CPNE8: variants seen among roughly 807,000 people sequenced by gnomAD.
CPNE8 encodes the protein copine-8.
Under a neutral mutation model 81.5 loss-of-function variants are expected in CPNE8, and 45 were observed. The ratio of observed to expected loss-of-function variants is 0.55; its 90% confidence interval spans 0.44 to 0.71. CPNE8 has a LOEUF of 0.71. Among genes scored for constraint, CPNE8 ranks in the 30% least tolerant of loss-of-function variants. CPNE8 has a pLI of 0.00. For missense variants in CPNE8, 594 were observed against 672.1 expected (o/e 0.88, Z 1.28); for synonymous variants, 252 against 226.3 (o/e 1.11, Z -1.02).
intron 19 of CPNE8, among the ~76,000 whole-genome samples, chr12:38,666,574 TGAG>T (rs1441163527): frequency 6.6e-6 from 1 of 152,026 alleles, no homozygotes; most frequent in African/African-American, 2.4e-5. Flanking sequence ...TCAGCACAGA[TGAG>T]GAGGAAGAGT....
At chr12:38,843,248 T>A (rs1254639513) in intron 4 of CPNE8, among the ~76,000 whole-genome samples, 1 of 152,154 alleles carries the variant, frequency 6.6e-6, no homozygotes, top group African/African-American at 2.4e-5. Flanking sequence ...CAGATATTGA[T>A]GGAAATTTTT....
At chr12:38,721,706 G>T (rs75874418) in intron 13 of CPNE8, among the ~76,000 whole-genome samples, 1,622 of 152,318 alleles carry the variant, frequency 0.011, 35 homozygotes, top group African/African-American at 0.036. Context: ...GCCCCTGGGG[G>T]AGCCCAGACC....
chr12:38,864,589 T>C (rs1943889329), intron 3 of CPNE8, among the ~76,000 whole-genome samples: 2 of 152,178 alleles, frequency 1.3e-5, no homozygotes, highest in Non-Finnish European at 2.9e-5. Flanking sequence ...GGTGATGTAA[T>C]TGTGCAGCGG....
At chr12:38,792,404 C>T (rs1408047619) in intron 6 of CPNE8, among the ~76,000 whole-genome samples, 1 of 150,556 alleles carries the variant, frequency 6.6e-6, no homozygotes, top group Non-Finnish European at 1.5e-5. Context: ...GGGGACAATA[C>T]AACTGATGCT....
At chr12:38,725,903 T>A (rs1367708092) in intron 11 of CPNE8, among the ~76,000 whole-genome samples, 1 of 152,168 alleles carries the variant, frequency 6.6e-6, no homozygotes, top group Non-Finnish European at 1.5e-5. Flanking sequence ...CTCAACCTTT[T>A]TGGCACCAGG....
intron 7 of CPNE8, among the ~76,000 whole-genome samples, chr12:38,771,818 C>T (rs1032454887): frequency 6.6e-6 from 1 of 152,126 alleles, no homozygotes; most frequent in African/African-American, 2.4e-5. Context: ...CGTGGGACTG[C>T]ATCAAACTAC....
intron 13 of CPNE8, among the ~76,000 whole-genome samples, chr12:38,703,556 A>T (rs1940007744): frequency 6.6e-6 from 1 of 152,182 alleles, no homozygotes; most frequent in Non-Finnish European, 1.5e-5. Flanking sequence ...CAAGTCAAGG[A>T]TGCCCACTCT....
chr12:38,798,574 G>A lies in CPNE8; in HGVS notation c.408-22273C>T, dbSNP rs186707784. On this transcript the variant is annotated intron_variant, in intron 6 of 19. Coordinates refer to ENST00000331366, the MANE Select transcript of CPNE8 (RefSeq NM_153634.3). ...GCACTAAACATGGAAAGAACAACCGGTACCAGCCACTGCAAAAACATGCCA... is the reference window on the plus strand; with the variant it reads ...GCACTAAACATGGAAAGAACAACCGATACCAGCCACTGCAAAAACATGCCA... 2.7e-3 allele frequency among the ~76,000 whole-genome samples: 414 copies of A among 151,946 alleles called. 3 individuals are homozygous for A. Among genetic ancestry groups the A allele is most frequent in the African/African-American group, 9.4e-3 (388 of 41,426 alleles).
chr12:38,784,466 TAATAAC>T (rs1565613461), intron 6 of CPNE8, among the ~76,000 whole-genome samples: 1 of 152,072 alleles, frequency 6.6e-6, no homozygotes, highest in Non-Finnish European at 1.5e-5. Flanking sequence ...TTCAAAGAGA[TAATAAC>T]TGAGAACTTC....
At chr12:38,688,642 C>T (rs1809862580) in intron 15 of CPNE8, among the ~76,000 whole-genome samples, 1 of 150,646 alleles carries the variant, frequency 6.6e-6, no homozygotes, top group Non-Finnish European at 1.5e-5. Flanking sequence ...TTCTACTCAA[C>T]CATAAAAAGG....
At chr12:38,766,275 A>G (rs994788023) in intron 8 of CPNE8, among the ~76,000 whole-genome samples, 5 of 152,232 alleles carry the variant, frequency 3.3e-5, no homozygotes, top group African/African-American at 1.2e-4. Flanking sequence ...AAGAAAACTA[A>G]TAAGAATAAA....
chr12:38,795,704 G>A (rs542654519), intron 6 of CPNE8, among the ~76,000 whole-genome samples: 46 of 152,144 alleles, frequency 3.0e-4, no homozygotes, highest in Admixed American at 2.3e-3. Context: ...GGTAATTACC[G>A]GCAGCTAGAG....
rs79308950 is a variant in CPNE8 at position 38,791,945 on chromosome 12, C to T, written c.408-15644G>A. ...ACAGCAGAGGAAAACTGAAAATTCA[C>T]AAATAAGTAGAAATTAACACATTTT... On this transcript the variant is annotated intron_variant, in intron 6 of 19. Coordinates refer to ENST00000331366, the MANE Select transcript of CPNE8 (RefSeq NM_153634.3). Among the ~76,000 whole-genome samples the T allele has an allele frequency of 3.5e-4, 52 of 149,420 alleles. 1 individual carries two copies. The East Asian group carries it at 0.01, about 30-fold the overall frequency.
chr12:38,835,078 G>T (rs950554138), intron 5 of CPNE8, among the ~76,000 whole-genome samples: 1 of 152,070 alleles, frequency 6.6e-6, no homozygotes, highest in Non-Finnish European at 1.5e-5. Context: ...GTAGATACAG[G>T]GTTTCACCAC....
intron 6 of CPNE8, among the ~76,000 whole-genome samples, chr12:38,792,104 A>G (rs1236074698): frequency 1.3e-5 from 2 of 151,328 alleles, no homozygotes; most frequent in East Asian, 3.9e-4. Flanking sequence ...AAGGAAGTTT[A>G]TAGCTGTAAA....
intron 6 of CPNE8, among the ~76,000 whole-genome samples, chr12:38,828,009 C>T (rs749179388): frequency 2.0e-5 from 3 of 152,026 alleles, no homozygotes; most frequent in Non-Finnish European, 2.9e-5. Flanking sequence ...AAGAAGTGTA[C>T]CCATTCATAA....
intron 13 of CPNE8, among the ~76,000 whole-genome samples, chr12:38,707,630 A>G (rs780609905): frequency 6.6e-6 from 1 of 152,212 alleles, no homozygotes; most frequent in African/African-American, 2.4e-5. Flanking sequence ...GAGACACTCA[A>G]TGAGTAAAGC....
chr12:38,900,001 C>G (rs891101495), intron 1 of CPNE8, among the ~76,000 whole-genome samples: 3 of 152,030 alleles, frequency 2.0e-5, no homozygotes, highest in Non-Finnish European at 2.9e-5. Flanking sequence ...TGTAGTAAAG[C>G]AATTAGGAAG....
intron 5 of CPNE8, among the ~76,000 whole-genome samples, chr12:38,831,309 A>G (rs1350405707): frequency 6.6e-6 from 1 of 152,190 alleles, no homozygotes; most frequent in Admixed American, 6.5e-5. Context: ...AAGCAACCAG[A>G]AGCCTTTCAC....
Sources: gnomAD v4.1 joint callset for allele counts (sites outside exome capture counted in the v4.1 genomes callset) on GRCh38, gnomAD v4.1.1 for gene constraint, MANE v1.5 for transcripts, NCBI Gene and HGNC (gene_info 2026-07-23, HGNC 2026-07-21) for gene names.